Variants in SORCS3 observed in about 807,000 individuals in gnomAD.
SORCS3 encodes the protein VPS10 domain-containing receptor SorCS3.
Under a neutral mutation model 146.3 loss-of-function variants are expected in SORCS3, and 57 were observed. The observed-to-expected ratio is 0.39, with a 90% CI of 0.31 to 0.49. The LOEUF (loss-of-function observed/expected upper bound fraction) is 0.49. Among genes scored for constraint, SORCS3 ranks in the 20% least tolerant of loss-of-function variants. The pLI, the probability that SORCS3 is intolerant of heterozygous loss-of-function variation, is 0.92. For synonymous variants in SORCS3, 653 were observed against 618.5 expected, an observed-to-expected ratio of 1.06 and a Z score of -0.83; for missense variants, 1,341 against 1,575.5, an observed-to-expected ratio of 0.85 and a Z score of 2.52.
At chr10:105,253,643 C>A (rs371747542) in intron 23 of SORCS3, among the ~76,000 whole-genome samples, 1 of 152,152 alleles carries the variant, frequency 6.6e-6, no homozygotes, top group Non-Finnish European at 1.5e-5. Context: ...GAGCATGAGG[C>A]TGCAGAAAAT....
At chr10:104,643,613 G>A (rs996723195) in intron 1 of SORCS3, among the ~76,000 whole-genome samples, 2 of 152,114 alleles carry the variant, frequency 1.3e-5, no homozygotes, top group African/African-American at 4.8e-5. Context: ...AGAGGACTTG[G>A]ATATGTGTGT....
At chr10:104,812,791 G>A (rs2017755072) in intron 1 of SORCS3, among the ~76,000 whole-genome samples, 1 of 152,180 alleles carries the variant, frequency 6.6e-6, no homozygotes, top group Admixed American at 6.5e-5. Context: ...TCCAGAGCCA[G>A]TAGAGCTCAA....
At chr10:104,686,790 A>C (rs1564658799) in intron 1 of SORCS3, among the ~76,000 whole-genome samples, 1 of 152,074 alleles carries the variant, frequency 6.6e-6, no homozygotes, top group East Asian at 1.9e-4. Context: ...TTAGAACCAC[A>C]AACCCACCCC....
intron 1 of SORCS3, among the ~76,000 whole-genome samples, chr10:104,832,643 A>T (rs1204320961): frequency 6.6e-6 from 1 of 152,196 alleles, no homozygotes; most frequent in East Asian, 1.9e-4. Flanking sequence ...GTTTGAACCC[A>T]GGAGGCAGAG....
intron 1 of SORCS3, among the ~76,000 whole-genome samples, chr10:104,702,326 C>T (rs1564663059): frequency 6.6e-6 from 1 of 152,162 alleles, no homozygotes; most frequent in African/African-American, 2.4e-5. Flanking sequence ...CTTTGTCGCC[C>T]AGGCTGCAGT....
chr10:105,246,896 G>T (rs188245660), intron 21 of SORCS3, among the ~76,000 whole-genome samples: 24 of 152,302 alleles, frequency 1.6e-4, no homozygotes, highest in Non-Finnish European at 2.5e-4. Flanking sequence ...CTTTGTGTTG[G>T]CTCTTCCTGG....
At chr10:104,929,708 A>G (rs544565074) in intron 3 of SORCS3, among the ~76,000 whole-genome samples, 47 of 152,338 alleles carry the variant, frequency 3.1e-4, no homozygotes, top group African/African-American at 1.0e-3. Flanking sequence ...AGGTCCATCA[A>G]TGTGGATCCA....
rs980277181 is a variant in SORCS3 at position 104,695,934 on chromosome 10, TG to T, written c.627+53981del. Among the ~76,000 whole-genome samples, 296 of 145,586 alleles carry T rather than the reference TG, an allele frequency of 2.0e-3. 1 individual carries two copies. Among genetic ancestry groups the T allele is most frequent in the African/African-American group, 7.1e-3 (283 of 39,862 alleles). On this transcript the variant is annotated intron_variant, in intron 1 of 26. Coordinates refer to ENST00000369701, the MANE Select transcript of SORCS3 (RefSeq NM_014978.3). ...GGCTGAATGGATAAAGAAATTGTGA[TG>T]TATATATATAATATATATATTATAT...
At chr10:105,174,730 T>C (rs1291771606) in intron 13 of SORCS3, among the ~76,000 whole-genome samples, 1 of 152,126 alleles carries the variant, frequency 6.6e-6, no homozygotes, top group Non-Finnish European at 1.5e-5. Context: ...ATCCTTCCTT[T>C]AGGTATCTGC....
intron 1 of SORCS3, among the ~76,000 whole-genome samples, chr10:104,725,828 C>T (rs974790244): frequency 3.9e-5 from 6 of 152,200 alleles, no homozygotes; most frequent in African/African-American, 4.8e-5. Context: ...TTTGGAAAAG[C>T]GCAGTATTAG....
At chr10:104,890,832 A>G (rs1487088463) in intron 2 of SORCS3, among the ~76,000 whole-genome samples, 2 of 152,210 alleles carry the variant, frequency 1.3e-5, no homozygotes, top group African/African-American at 4.8e-5. Flanking sequence ...ACAATTAAAC[A>G]TTTCTCCAGA....
intron 9 of SORCS3, among the ~76,000 whole-genome samples, chr10:105,152,756 C>T (rs2056176401): frequency 6.6e-6 from 1 of 152,174 alleles, no homozygotes; most frequent in South Asian, 2.1e-4. Context: ...ATTGCACAGT[C>T]GTAAACAACT....
chr10:104,988,108 A>G (rs1388082501), intron 4 of SORCS3, among the ~76,000 whole-genome samples: 2 of 152,216 alleles, frequency 1.3e-5, no homozygotes, highest in Non-Finnish European at 2.9e-5. Context: ...ACAGAGGAGC[A>G]TATGACTCTT....
chr10:104,676,046 G>A (rs1261955158), intron 1 of SORCS3, among the ~76,000 whole-genome samples: 1 of 151,920 alleles, frequency 6.6e-6, no homozygotes, highest in Non-Finnish European at 1.5e-5. Context: ...TTATTCCCAG[G>A]GATCTGATGC....
chr10:104,907,384 A>T (rs544626984), intron 2 of SORCS3, among the ~76,000 whole-genome samples: 2 of 152,090 alleles, frequency 1.3e-5, no homozygotes, highest in Non-Finnish European at 2.9e-5. Context: ...TCACCATCCT[A>T]TTTTCTGAAC....
chr10:105,208,906 G>T (rs1589689376), intron 16 of SORCS3, among the ~76,000 whole-genome samples: 1 of 152,010 alleles, frequency 6.6e-6, no homozygotes, highest in South Asian at 2.1e-4. Flanking sequence ...ACATTTACTT[G>T]GCAGCAGTGT....
chr10:104,855,260 A>G (rs532071933), intron 2 of SORCS3, among the ~76,000 whole-genome samples: 11 of 152,248 alleles, frequency 7.2e-5, no homozygotes, highest in African/African-American at 2.6e-4. Flanking sequence ...AGGCAGAATG[A>G]TTACTCTCAC....
chr10:104,681,746 T>A (rs2015979010), intron 1 of SORCS3, among the ~76,000 whole-genome samples: 1 of 152,128 alleles, frequency 6.6e-6, no homozygotes, highest in African/African-American at 2.4e-5. Context: ...AATACCCCAG[T>A]AAAGCTCCTG....
At chr10:104,876,490 G>T (rs1446755472) in intron 2 of SORCS3, among the ~76,000 whole-genome samples, 1 of 152,188 alleles carries the variant, frequency 6.6e-6, no homozygotes, top group Non-Finnish European at 1.5e-5. Context: ...CAAAGACCCA[G>T]AAAAGCTTTC....
Sources: gnomAD v4.1 joint callset for allele counts (sites outside exome capture counted in the v4.1 genomes callset) on GRCh38, gnomAD v4.1.1 for gene constraint, MANE v1.5 for transcripts, NCBI Gene and HGNC (gene_info 2026-07-23, HGNC 2026-07-21) for gene names.